The following TCTN1 variants were observed in gnomAD, a reference collection of about 807,000 sequenced individuals.
TCTN1 encodes the protein tectonic family member 1.
TCTN1 carries 58 observed loss-of-function variants against 65.8 expected under a neutral mutation model. That is an observed-to-expected ratio of 0.88 (90% CI 0.71 to 1.10). The LOEUF (loss-of-function observed/expected upper bound fraction) is 1.10, where lower values mean the gene tolerates loss of function less well. Among genes scored for constraint, TCTN1 ranks in the 50% least tolerant of loss-of-function variants. The probability of loss-of-function intolerance (pLI) is 0.00; values close to 1 mark genes in which losing one functional copy is unlikely to be tolerated. For synonymous variants in TCTN1, 273 were observed against 289.1 expected (o/e 0.94, Z 0.57); for missense variants, 645 against 719.4 (o/e 0.90, Z 1.18).
intron 1 of TCTN1, among the ~76,000 whole-genome samples, chr12:110,619,242 T>G (rs2065255545): frequency 6.6e-6 from 1 of 152,102 alleles, no homozygotes; most frequent in South Asian, 2.1e-4. Flanking sequence ...TACCCCGCCC[T>G]CATACCTTAT....
intron 12 of TCTN1, chr12:110,645,650 A>G: frequency 5.7e-6 from 1 of 176,022 alleles, no homozygotes; most frequent in Non-Finnish European, 1.2e-5. Context: ...TTTCACTGCC[A>G]CAGTTCCTCA....
Position 110,647,865 on chromosome 12 carries a change from C to T in TCTN1, c.1752C>T (p.Pro584=). 1.2e-6 allele frequency: 2 copies of T among 1,614,024 alleles called. No homozygotes were observed. The highest frequency in any genetic ancestry group is 1.7e-6 in the Non-Finnish European group (2 of 1,180,052). ...CACCAGCCATCAATGCCAGGCTGCC[C>T]TTTAACTTCTTCTTCCCGTTTGTTT... is the stretch of plus-strand genomic sequence containing the variant. ...RAPPAINARL[P]FNFFFPFV The change falls in exon 14 of 15, where the codon CCC becomes CCT. Residue 584 remains proline, a synonymous_variant. Transcript: ENST00000397659.
chr12:110,645,209 G>A (rs747549134), intron 12 of TCTN1, 80 bp downstream of exon 12: 2 of 1,578,316 alleles, frequency 1.3e-6, no homozygotes, highest in Non-Finnish European at 8.6e-7. Context: ...GGGGAAGCCA[G>A]CTGTTAAGGA....
intron 3 of TCTN1, chr12:110,627,975 T>A: frequency 7.0e-7 from 1 of 1,435,294 alleles, no homozygotes; most frequent in Non-Finnish European, 9.5e-7. Context: ...AACTGGCCAG[T>A]GACTGTCAGG....
chr12:110,622,220 G>T (rs2065482218), intron 2 of TCTN1, among the ~76,000 whole-genome samples: 1 of 152,012 alleles, frequency 6.6e-6, no homozygotes, highest in African/African-American at 2.4e-5. Flanking sequence ...AGTGTCCCTT[G>T]TTGACTTCCT....
chr12:110,641,394 C>A, intron 9 of TCTN1, 148 bp from the exon 10 acceptor site: 1 of 892,848 alleles, frequency 1.1e-6, no homozygotes, highest in Non-Finnish European at 1.8e-6. Flanking sequence ...CTACACCTGG[C>A]AGATGTATTT....
At chr12:110,641,974 T>A (rs1292554238) in intron 10 of TCTN1, 2 of 559,524 alleles carry the variant, frequency 3.6e-6, no homozygotes, top group Admixed American at 6.3e-5. Context: ...TGTTTTTAAT[T>A]TCACATTTAA....
chr12:110,627,034 C>T (rs2065899179), intron 3 of TCTN1, among the ~76,000 whole-genome samples: 1 of 150,470 alleles, frequency 6.6e-6, no homozygotes, highest in South Asian at 2.1e-4. Context: ...GGCCTCCCAA[C>T]GTGCTGGGAT....
chr12:110,633,542 T>C (rs1405635144), intron 5 of TCTN1, among the ~76,000 whole-genome samples: 2 of 150,664 alleles, frequency 1.3e-5, no homozygotes, highest in Admixed American at 1.3e-4. Context: ...GAGGCTGAGG[T>C]AGGAGGATTG....
rs1269219845 is a variant in TCTN1 at position 110,640,470 on chromosome 12, C to A, written c.931C>A (p.Leu311Ile). The A allele has an allele frequency of 2.5e-6, 4 of 1,614,240 alleles. No homozygotes were observed. In the South Asian group the frequency reaches 4.4e-5, roughly 18 times the overall value. ...REDTDVLQPT[L>I]VNAGHFSLCV... ...GGACACTGATGTGCTGCAGCCGACTCTCGTCAACGCTGGACACTTTAGCCT... is the reference window on the plus strand; with the variant it reads ...GGACACTGATGTGCTGCAGCCGACTATCGTCAACGCTGGACACTTTAGCCT... Residue 311 changes from leucine to isoleucine, a missense_variant, in exon 8 of 15, where the codon CTC (leucine) becomes ATC (isoleucine). Physicochemically the swap from Leu to Ile is conservative, Grantham distance 5 (BLOSUM62 2). Coordinates refer to ENST00000397659, the MANE Select transcript of TCTN1 (RefSeq NM_001082538.3). This position sits in a 1 kb window ranked among gnomAD's most constrained non-coding sequence, Gnocchi z 4.9.
At chr12:110,635,877 G>GC (rs1360159613) in intron 6 of TCTN1, 1 of 153,364 alleles carries the variant, frequency 6.5e-6, no homozygotes, top group African/African-American at 2.4e-5. Flanking sequence ...GTTAGCTTGA[G>GC]CTCACAGTTG....
rs1343127545 is a variant in TCTN1, at chr12:110,644,878, A to C, written c.1332-89A>C. On this transcript the variant is annotated intron_variant, in intron 11 of 14. Transcript: ENST00000397659. This position sits in a 1 kb window ranked among gnomAD's most constrained non-coding sequence, Gnocchi z 4.6. ...GAGACCTTATCTCAAAAATAAATAA[A>C]CAAAGGGAAGGAAAGGAAGAAGAAA... 1 of 1,559,610 alleles carries C rather than the reference A, an allele frequency of 6.4e-7. No homozygotes were observed. Among genetic ancestry groups the C allele is most frequent in the Non-Finnish European group, 8.8e-7 (1 of 1,135,276 alleles).
At chr12:110,615,313 C>T (rs1383854736) in intron 1 of TCTN1, among the ~76,000 whole-genome samples, 12 of 152,116 alleles carry the variant, frequency 7.9e-5, no homozygotes, top group Non-Finnish European at 1.5e-5. Context: ...TGACTGTGAC[C>T]CGCTAAGATT....
chr12:110,630,515 CT>C lies in TCTN1; in HGVS notation c.624+1601del, dbSNP rs200709683. Among the ~76,000 whole-genome samples, 70 of 152,264 alleles carry C rather than the reference CT, an allele frequency of 4.6e-4. No homozygotes were observed. In the East Asian group the frequency reaches 0.013, roughly 28 times the overall value. ...CATATTAACTGAATGAACCTTAACTCTTTTGGAAGCATCTTTTTAAAAGCAA... is the reference window on the plus strand; with the variant it reads ...CATATTAACTGAATGAACCTTAACTCTTTGGAAGCATCTTTTTAAAAGCAA... On this transcript the variant is annotated intron_variant, in intron 4 of 14. Coordinates refer to ENST00000397659, the MANE Select transcript of TCTN1 (RefSeq NM_001082538.3).
chr12:110,616,489 GC>G (rs1442027472), intron 1 of TCTN1: 3 of 230,858 alleles, frequency 1.3e-5, no homozygotes, highest in Middle Eastern at 1.9e-3. Flanking sequence ...TCAAGTGATT[GC>G]CCACCTAGGC....
At chr12:110,633,648 A>T (rs1039734895) in intron 5 of TCTN1, among the ~76,000 whole-genome samples, 3 of 152,016 alleles carry the variant, frequency 2.0e-5, no homozygotes, top group Admixed American at 1.3e-4. Flanking sequence ...AAGAAAAAAA[A>T]AAAAGAAAAC....
At chr12:110,615,598 A>C (rs1385145419) in intron 1 of TCTN1, among the ~76,000 whole-genome samples, 6 of 152,078 alleles carry the variant, frequency 3.9e-5, no homozygotes, top group African/African-American at 1.4e-4. Context: ...CTTCTGCCTC[A>C]GCCTCCAGAG....
intron 2 of TCTN1, among the ~76,000 whole-genome samples, chr12:110,620,559 C>A (rs1183159698): frequency 6.6e-6 from 1 of 152,152 alleles, no homozygotes; most frequent in Non-Finnish European, 1.5e-5. Context: ...ACAGTGGTCA[C>A]ATTTTTTGTA....
chr12:110,629,680 G>C (rs1438521663), intron 4 of TCTN1: 1 of 152,254 alleles, frequency 6.6e-6, no homozygotes, highest in East Asian at 1.9e-4. Context: ...GTGGAAGACA[G>C]TGCGGCGATT....
Sources: allele counts gnomAD v4.1 joint callset (sites outside exome capture counted in the v4.1 genomes callset), GRCh38; gene constraint gnomAD v4.1.1; non-coding constraint Gnocchi (gnomAD v3.1); transcripts MANE v1.5; gene names NCBI Gene and HGNC (gene_info 2026-07-23, HGNC 2026-07-21).